TNC: variants seen among roughly 807,000 people sequenced by gnomAD.
TNC encodes tenascin.
In TNC, 109 loss-of-function variants were observed where a neutral mutation model predicts 202.4. That is an observed-to-expected ratio of 0.54 (90% CI 0.46 to 0.63). The LOEUF (loss-of-function observed/expected upper bound fraction) is 0.63. TNC is among the 30% of genes least tolerant of loss of function. TNC has a pLI of 0.00. For missense variants in TNC, 2,756 were observed against 2,833.3 expected (o/e 0.97, Z 0.62); for synonymous variants, 1,007 against 1,089.7 (o/e 0.92, Z 1.50).
rs779442028 is a variant in TNC, at chr9:115,076,414, C to G, written c.2836G>C (p.Ala946Pro). 1 of 1,614,036 alleles carries G rather than the reference C, an allele frequency of 6.2e-7. No individual in the cohort carries two copies. The highest frequency in any genetic ancestry group is 1.1e-5 in the South Asian group (1 of 91,056). The change falls in exon 8 of 28, where the codon GCC becomes CCC. Residue 946 changes from alanine (A) to proline (P), a missense_variant. Transcript: ENST00000350763. Reference protein sequence around the residue: ...AEVDVPKSQQATTKTTLTGLR... With the variant: ...AEVDVPKSQQPTTKTTLTGLR... Reference sequence around the variant, plus strand: ...CCTGTGAGTGTGGTTTTGGTTGTGGCTTGTTGGCTCTTTGGAACATCAACC... The same window carrying G: ...CCTGTGAGTGTGGTTTTGGTTGTGGGTTGTTGGCTCTTTGGAACATCAACC...
At chr9:115,070,996 C>T (rs1165573299) in intron 10 of TNC, among the ~76,000 whole-genome samples, 2 of 152,198 alleles carry the variant, frequency 1.3e-5, no homozygotes, top group African/African-American at 2.4e-5. Context: ...TCCAGTGTCT[C>T]CTGAGCACTG....
chr9:115,025,890 G>C (rs192410737), intron 26 of TNC, among the ~76,000 whole-genome samples: 40 of 152,348 alleles, frequency 2.6e-4, no homozygotes, highest in African/African-American at 9.4e-4. Flanking sequence ...TTATGAGCCA[G>C]ACAAGGAATG....
chr9:115,040,862 G>A (rs1830675097), intron 19 of TNC, 79 bp downstream of exon 19: 1 of 1,497,420 alleles, frequency 6.7e-7, no homozygotes, highest in Admixed American at 2.1e-5. Context: ...AAGGCTGAAG[G>A]TGAGAAATGG....
chr9:115,095,610 A>C (rs780222878), intron 1 of TNC, among the ~76,000 whole-genome samples: 1 of 3,088 alleles, frequency 3.2e-4, no homozygotes, highest in South Asian at 0.025. Flanking sequence ...ATATATATGT[A>C]TATATGTATA....
At chr9:115,114,436 G>A (rs1837305598) in intron 1 of TNC, among the ~76,000 whole-genome samples, 1 of 152,162 alleles carries the variant, frequency 6.6e-6, no homozygotes, top group Admixed American at 6.5e-5. Context: ...CTACTTTTCT[G>A]AGATGAAAAT....
At chr9:115,050,080 G>A (rs1831530970) in intron 15 of TNC, among the ~76,000 whole-genome samples, 1 of 152,052 alleles carries the variant, frequency 6.6e-6, no homozygotes, top group African/African-American at 2.4e-5. Flanking sequence ...GAGAGACAAG[G>A]GTCTCGAATT....
chr9:115,032,565 C>T (rs1294894838), intron 22 of TNC, among the ~76,000 whole-genome samples: 2 of 152,140 alleles, frequency 1.3e-5, no homozygotes, highest in African/African-American at 2.4e-5. Flanking sequence ...AATATGATGC[C>T]TGGGCCTCAT....
At chr9:115,097,504 C>T (rs1398777974) in intron 1 of TNC, among the ~76,000 whole-genome samples, 3 of 152,116 alleles carry the variant, frequency 2.0e-5, no homozygotes, top group Admixed American at 2.0e-4. Context: ...GATTGGCCAA[C>T]TCATATCCAT....
intron 18 of TNC, 94 bp from the exon 19 acceptor site, chr9:115,041,178 A>C: frequency 7.2e-7 from 1 of 1,380,182 alleles, no homozygotes; most frequent in Non-Finnish European, 9.8e-7. Context: ...TTTAGAAATG[A>C]AACTATATCT....
At chr9:115,035,115 G>C (rs1330361) in intron 22 of TNC, 89 bp downstream of exon 22, 1 of 1,443,982 alleles carries the variant, frequency 6.9e-7, no homozygotes, top group African/African-American at 1.5e-5. Context: ...CACTGGGGTA[G>C]AAAAACAGCA....
rs765213541 is a variant in TNC at position 115,076,083 on chromosome 9, C to T, written c.2899G>A (p.Ala967Thr). 3 of 1,614,164 alleles carry T rather than the reference C, an allele frequency of 1.9e-6. No homozygotes were observed. The highest frequency in any genetic ancestry group is 1.7e-6 in the Non-Finnish European group (2 of 1,180,030). Residue 967 changes from alanine (A) to threonine (T), a missense_variant, in exon 9 of 28, where the codon GCT becomes ACT. Ala to Thr is a moderately conservative substitution (Grantham distance 58). Coordinates refer to ENST00000350763, the MANE Select transcript of TNC (RefSeq NM_002160.4). ...PGTEYGIGVS[A>T]VKEDKESNPA... Reference sequence around the variant, plus strand: ...TTGCTCTCCTTGTCTTCCTTCACAGCAGAAACTCCAATCCCATATTCAGTT... The same window carrying T: ...TTGCTCTCCTTGTCTTCCTTCACAGTAGAAACTCCAATCCCATATTCAGTT...
rs1834804628 is a variant in TNC, at chr9:115,086,965, A to G, written c.766T>C (p.Cys256Arg). 7 of 1,614,086 alleles carry G rather than the reference A, an allele frequency of 4.3e-6. No individual in the cohort carries two copies. The African/African-American group carries it at 9.3e-5, about 22-fold the overall frequency. ...DCSREICPVP[C>R]SEEHGTCVDG... ...ACACATGTGCCGTGCTCCTCACTGCAGGGCACTGGGCAGATTTCACGGCTG... is the reference window on the plus strand; with the variant it reads ...ACACATGTGCCGTGCTCCTCACTGCGGGGCACTGGGCAGATTTCACGGCTG... The change falls in exon 3 of 28, where the codon TGC becomes CGC. Residue 256 changes from cysteine (C) to arginine (R), a missense_variant. Cys to Arg is a radical substitution (Grantham distance 180). Transcript: ENST00000350763.
At position 115,062,909 on chromosome 9, in the gene TNC, T is replaced by G. The variant is rs1299481874; in HGVS notation, c.4033+8A>C. 6.2e-7 allele frequency: 1 copy of G among 1,610,606 alleles called. No homozygotes were observed. The highest frequency in any genetic ancestry group is 8.5e-7 in the Non-Finnish European group (1 of 1,177,898). The stretch of plus-strand genomic sequence containing the variant: ...TCATGTCTCCAGTCTGGGAGGAGGG[T>G]CATATACCTGTGACGACCTCTACAG... On this transcript the variant is annotated splice_region_variant and intron_variant, in intron 13 of 27. Coordinates refer to ENST00000350763, the MANE Select transcript of TNC (RefSeq NM_002160.4).
At chr9:115,064,596 C>A (rs772552940) in intron 11 of TNC, 51 bp downstream of exon 11, 1 of 1,546,578 alleles carries the variant, frequency 6.5e-7, no homozygotes, top group South Asian at 1.2e-5. Flanking sequence ...TATTCATGGG[C>A]AGTTTCCTGC....
In TNC at chr9:115,084,210, C is replaced by T. The variant is rs777446358; in HGVS notation, c.2130G>A (p.Thr710=). 9.3e-6 allele frequency: 15 copies of T among 1,613,268 alleles called. No individual in the cohort carries two copies. The East Asian group carries it at 1.3e-4, about 14-fold the overall frequency. The change falls in exon 4 of 28, where the codon ACG becomes ACA. Residue 710 remains threonine, a splice_region_variant and synonymous_variant. Transcript: ENST00000350763. ...CCCAAAAGAGTTCTGCTCACTCACA[C>T]GTGGCCACCCTGGCGCTGACAGGAA... is the stretch of plus-strand genomic sequence containing the variant. ...KSIPVSARVA[T]YLPAPEGLKF... is the part of the protein sequence containing the mutation.
chr9:115,078,068 T>A lies in TNC; in HGVS notation c.2549A>T (p.Asp850Val). 1 of 1,614,038 alleles carries A rather than the reference T, an allele frequency of 6.2e-7. No individual in the cohort carries two copies. ...GTACTGGTTCTCGTCCTCTGTGAGATCGATGGTGGTACGGTCTCCTGGCAC... is the reference window on the plus strand; with the variant it reads ...GTACTGGTTCTCGTCCTCTGTGAGAACGATGGTGGTACGGTCTCCTGGCAC... Reference protein sequence around the residue: ...KDVPGDRTTIDLTEDENQYSI... With the variant: ...KDVPGDRTTIVLTEDENQYSI... Residue 850 changes from aspartate (D) to valine (V), a missense_variant, in exon 7 of 28, where the codon GAT (aspartate) becomes GTT (valine). By Grantham distance (152) the Asp-to-Val change is radical. Coordinates refer to ENST00000350763, the MANE Select transcript of TNC (RefSeq NM_002160.4).
intron 22 of TNC, among the ~76,000 whole-genome samples, chr9:115,034,518 A>T (rs1481536190): frequency 6.6e-6 from 1 of 152,254 alleles, no homozygotes; most frequent in Non-Finnish European, 1.5e-5. Flanking sequence ...CAGGATATAG[A>T]ATAAAATACC....
chr9:115,091,683 A>G (rs1204942507), intron 1 of TNC, among the ~76,000 whole-genome samples: 1 of 152,186 alleles, frequency 6.6e-6, no homozygotes, highest in African/African-American at 2.4e-5. Context: ...ACTGATTTCC[A>G]CACCATCTGC....
chr9:115,084,366 G>T lies in TNC; in HGVS notation c.1974C>A (p.Pro658=). 6.2e-7 allele frequency: 1 copy of T among 1,614,206 alleles called. No individual in the cohort carries two copies. The part of the protein sequence containing the change: ...RVTEYLVVYT[P]THEGGLEMQF... The stretch of plus-strand genomic sequence containing the variant: ...GCATTTCCAGACCACCCTCGTGGGT[G>T]GGCGTGTACACGACAAGGTACTCTG... The change falls in exon 4 of 28, where the codon CCC becomes CCA. Residue 658 remains proline, a synonymous_variant. Transcript: ENST00000350763.
Sources: gnomAD v4.1 joint callset for allele counts (sites outside exome capture counted in the v4.1 genomes callset) on GRCh38, gnomAD v4.1.1 for gene constraint, MANE v1.5 for transcripts, NCBI Gene and HGNC (gene_info 2026-07-23, HGNC 2026-07-21) for gene names.